Variants in PDIA6 observed in about 807,000 individuals in gnomAD.
PDIA6 encodes protein disulfide-isomerase A6.
A neutral mutation model predicts 58.4 loss-of-function variants in PDIA6; 29 were observed. The observed-to-expected ratio is 0.50, with a 90% CI of 0.37 to 0.68. PDIA6 has a LOEUF of 0.68. Ranked by LOEUF, PDIA6 falls within the 30% of genes least tolerant of loss-of-function variation. The pLI is 0.00. For missense variants in PDIA6, 480 were observed against 551.0 expected (o/e 0.87, Z 1.29); for synonymous variants, 192 against 202.6 (o/e 0.95, Z 0.44).
chr2:10,798,941 C>T (rs1334270701), intron 2 of PDIA6, among the ~76,000 whole-genome samples: 4 of 152,156 alleles, frequency 2.6e-5, no homozygotes, highest in African/African-American at 7.2e-5. Context: ...CATAAACCCA[C>T]GTTAGTGAGC....
chr2:10,787,256 C>A, intron 11 of PDIA6, 25 bp downstream of exon 11: 1 of 1,607,434 alleles, frequency 6.2e-7, no homozygotes, highest in Non-Finnish European at 8.5e-7. Context: ...GACAAAACAA[C>A]AAACAACCTA....
chr2:10,806,622 T>TAAAGAC (rs1553339909), intron 1 of PDIA6, among the ~76,000 whole-genome samples: 1 of 48,752 alleles, frequency 2.1e-5, no homozygotes, highest in East Asian at 5.7e-4. Flanking sequence ...TCCTAAAAAA[T>TAAAGAC]AAAGACAGAA....
chr2:10,798,977 ACAC>A (rs1666388553), intron 2 of PDIA6, among the ~76,000 whole-genome samples: 1 of 152,212 alleles, frequency 6.6e-6, no homozygotes, highest in Non-Finnish European at 1.5e-5. Flanking sequence ...GCATGACGTG[ACAC>A]CACAAGATGG....
intron 1 of PDIA6, among the ~76,000 whole-genome samples, chr2:10,823,711 C>T (rs1227112221): frequency 6.6e-6 from 1 of 151,902 alleles, no homozygotes; most frequent in Non-Finnish European, 1.5e-5. Context: ...TAGTGCTGTA[C>T]TGTAGTGGAT....
chr2:10,788,872 G>C (rs200447266), intron 9 of PDIA6, 25 bp downstream of exon 9: 2 of 1,592,816 alleles, frequency 1.3e-6, no homozygotes, highest in East Asian at 4.5e-5. Flanking sequence ...GAACAGCTAA[G>C]GGAAATCATT....
At position 10,788,911 on chromosome 2, in the gene PDIA6, TG is replaced by T. The variant is rs765309681; in HGVS notation, c.910del (p.His304IlefsTer18). On this transcript the variant is annotated frameshift_variant, in exon 9 of 13. Transcript: ENST00000272227. LOFTEE classifies it high-confidence loss of function. Reference sequence around the variant, plus strand: ...GTCTGTCTTACCAGTATCAAGGATATGGGGCAGCACAGCCACAACACAGAGC... The same window carrying T: ...GTCTGTCTTACCAGTATCAAGGATATGGGCAGCACAGCCACAACACAGAGC... The part of the protein sequence containing the change: ...HQLCVVAVLP[H>X]ILDTGAAGRN... The T allele has an allele frequency of 1.2e-6, 2 of 1,613,484 alleles. No homozygotes were observed. Among genetic ancestry groups the T allele is most frequent in the Non-Finnish European group, 1.7e-6 (2 of 1,179,370 alleles).
At chr2:10,806,649 A>AGAAAGAAAGAAAGAAAGAAGG (rs1283823871) in intron 1 of PDIA6, among the ~76,000 whole-genome samples, 1 of 134,184 alleles carries the variant, frequency 7.5e-6, no homozygotes, top group Non-Finnish European at 1.7e-5. Flanking sequence ...AAAGAAAGAA[A>AGAAAGAAAGAAAGAAAGAAGG]AACGTTACAG....
chr2:10,790,874 C>G (rs750347480), intron 6 of PDIA6, 41 bp from the exon 7 acceptor site: 3 of 1,458,928 alleles, frequency 2.1e-6, no homozygotes, highest in African/African-American at 2.8e-5. Flanking sequence ...CTTTGAGACA[C>G]AGTCTCTCTC....
chr2:10,792,004 T>C, intron 5 of PDIA6, 79 bp from the exon 6 acceptor site: 1 of 1,410,770 alleles, frequency 7.1e-7, no homozygotes, highest in Non-Finnish European at 9.7e-7. Flanking sequence ...ACACTACTGC[T>C]ACATCTTAAC....
intron 4 of PDIA6, among the ~76,000 whole-genome samples, chr2:10,795,310 C>A (rs1039973267): frequency 2.0e-5 from 3 of 152,114 alleles, no homozygotes; most frequent in Non-Finnish European, 4.4e-5. Context: ...ATAAAAACAG[C>A]AGCAGACTGA....
At chr2:10,792,174 T>C (rs1686515) in intron 5 of PDIA6, among the ~76,000 whole-genome samples, 74,581 of 152,042 alleles carry the variant, frequency 0.49, 19,761 homozygotes, top group Middle Eastern at 0.58. Context: ...ACCTGAATGC[T>C]GTCACCAGCT....
intron 1 of PDIA6, among the ~76,000 whole-genome samples, chr2:10,821,771 C>T (rs1667402218): frequency 2.0e-5 from 3 of 151,694 alleles, no homozygotes; most frequent in South Asian, 4.2e-4. Flanking sequence ...ACCACAGGCA[C>T]ATGCTGCTAT....
intron 1 of PDIA6, among the ~76,000 whole-genome samples, chr2:10,823,989 C>A (rs1254483416): frequency 6.6e-6 from 1 of 152,178 alleles, no homozygotes; most frequent in Non-Finnish European, 1.5e-5. Flanking sequence ...CCACTGAGGC[C>A]CTTGTAAGCA....
chr2:10,796,538 T>A (rs1309714405), intron 4 of PDIA6, among the ~76,000 whole-genome samples: 2 of 151,162 alleles, frequency 1.3e-5, no homozygotes, highest in African/African-American at 4.8e-5. Flanking sequence ...AAGAATAGTG[T>A]GGCTGAAATA....
chr2:10,790,663 G>C (rs1665992494), intron 7 of PDIA6, 56 bp downstream of exon 7: 1 of 1,261,452 alleles, frequency 7.9e-7, no homozygotes, highest in East Asian at 2.3e-5. Flanking sequence ...AGTATTGGAA[G>C]AAGTAACGAA....
intron 8 of PDIA6, among the ~76,000 whole-genome samples, chr2:10,789,448 G>A (rs1189251084): frequency 6.6e-6 from 1 of 151,438 alleles, no homozygotes; most frequent in African/African-American, 2.4e-5. Context: ...AAAGACACCA[G>A]AACGGTGCCT....
chr2:10,810,233 G>C (rs1455488395), intron 1 of PDIA6: 1 of 1,364,830 alleles, frequency 7.3e-7, no homozygotes, highest in African/African-American at 1.4e-5. Flanking sequence ...ACACAGAAAG[G>C]ATAACTTACC....
In PDIA6 at chr2:10,806,622, T is replaced by TAAAGAG. The variant is rs1207473085; in HGVS notation, c.20-3983_20-3982insCTCTTT. Among the ~76,000 whole-genome samples, 37 of 48,686 alleles carry TAAAGAG rather than the reference T, an allele frequency of 7.6e-4. 5 individuals are homozygous for TAAAGAG. The highest frequency in any genetic ancestry group is 1.8e-3 in the Non-Finnish European group (27 of 14,752). The allele number at this position is 48,686 out of a possible 152,430, so 31.9% of individuals were successfully genotyped here. ...TAGCAAAACCACATCTCCTAAAAAA[T>TAAAGAG]AAAGACAGAAAGAAAGAAAGAAAGA... On this transcript the variant is annotated intron_variant, in intron 1 of 12. Transcript: ENST00000272227.
intron 2 of PDIA6, 62 bp from the exon 3 acceptor site, chr2:10,797,819 C>A: frequency 7.3e-7 from 1 of 1,362,016 alleles, no homozygotes; most frequent in Non-Finnish European, 1.0e-6. Flanking sequence ...TCAAAAAATT[C>A]AAAAATTCAA....
Sources: gnomAD v4.1 joint callset for allele counts (sites outside exome capture counted in the v4.1 genomes callset) on GRCh38, gnomAD v4.1.1 for gene constraint, MANE v1.5 for transcripts, NCBI Gene and HGNC (gene_info 2026-07-23, HGNC 2026-07-21) for gene names.